The following DPYD variants were observed in gnomAD, a reference collection of about 807,000 sequenced individuals.
DPYD encodes the protein dihydropyrimidine dehydrogenase, also known as dihydropyrimidine dehydrogenase [NADP(+)].
A neutral mutation model predicts 116.2 loss-of-function variants in DPYD; 109 were observed. The ratio of observed to expected loss-of-function variants is 0.94; its 90% CI spans 0.80 to 1.10. The LOEUF (loss-of-function observed/expected upper bound fraction) is 1.10. DPYD is among the 50% of genes least tolerant of loss of function. The probability of loss-of-function intolerance (pLI) is 0.00; values close to 1 mark genes in which losing one functional copy is unlikely to be tolerated. For synonymous variants in DPYD, 440 were observed against 432.0 expected (o/e 1.02, Z -0.23); for missense variants, 1,302 against 1,254.5 (o/e 1.04, Z -0.57).
Position 97,883,361 on chromosome 1 carries a change from A to G in DPYD, c.53T>C (p.Leu18Ser). ...TGCATGAGTTTGTGTTCGAGGATTT[A>G]AAGCCAGGATACTCTAAAGACAGCA... ...DSADIESILALNPRTQTHATL... is the reference protein window; with the variant it reads ...DSADIESILASNPRTQTHATL... Residue 18 changes from leucine to serine, a missense_variant, in exon 2 of 23, where the codon TTA (leucine) becomes TCA (serine). Leu to Ser is a moderately radical substitution (Grantham distance 145, BLOSUM62 -2). Transcript: ENST00000370192. 6.2e-7 allele frequency: 1 copy of G among 1,608,792 alleles called. No individual in the cohort carries two copies. Among genetic ancestry groups the G allele is most frequent in the Non-Finnish European group, 8.5e-7 (1 of 1,175,452 alleles).
chr1:97,328,209 T>A (rs1490003774), intron 16 of DPYD, among the ~76,000 whole-genome samples: 1 of 152,154 alleles, frequency 6.6e-6, no homozygotes, highest in African/African-American at 2.4e-5. Context: ...CAATGTATAA[T>A]CTGAGCCTAT....
intron 14 of DPYD, among the ~76,000 whole-genome samples, chr1:97,407,602 C>T (rs908612019): frequency 6.6e-6 from 1 of 152,074 alleles, no homozygotes; most frequent in African/African-American, 2.4e-5. Context: ...ATTATAATGC[C>T]AACTAGGTGA....
chr1:97,430,068 C>T (rs562190460), intron 14 of DPYD, among the ~76,000 whole-genome samples: 1 of 152,206 alleles, frequency 6.6e-6, no homozygotes, highest in South Asian at 2.1e-4. Context: ...TTCAAAGTTT[C>T]TCTGGCATTC....
rs566621896 is a variant in DPYD at position 97,146,959 on chromosome 1, A to G, written c.2622+46110T>C. 1.4e-4 allele frequency among the ~76,000 whole-genome samples: 21 copies of G among 152,346 alleles called. No individual in the cohort carries two copies. In the East Asian group the frequency reaches 3.5e-3, roughly 25 times the overall value. ...AGAGTCAGAAGAACTGCATGCCATG[A>G]GCCAATGTATTGAGGCTGTTATAGG... On this transcript the variant is annotated intron_variant, in intron 20 of 22. Coordinates refer to ENST00000370192, the MANE Select transcript of DPYD (RefSeq NM_000110.4).
rs1261126769 is a variant in DPYD at position 97,530,222 on chromosome 1, T to C, written c.1525-14281A>G. ...AGAATTTCTTTTTTTTTCTTTTTTT[T>C]TTTTTTTTTTTTTGAGACGGAGTCT... On this transcript the variant is annotated intron_variant, in intron 12 of 22. Coordinates refer to ENST00000370192, the MANE Select transcript of DPYD (RefSeq NM_000110.4). Among the ~76,000 whole-genome samples, 13 of 117,090 alleles carry C rather than the reference T, an allele frequency of 1.1e-4. 1 individual carries two copies. Among genetic ancestry groups the C allele is most frequent in the South Asian group, 1.1e-3 (4 of 3,736 alleles). The allele number at this position is 117,090 out of a possible 152,430, so 76.8% of individuals were successfully genotyped here.
intron 7 of DPYD, among the ~76,000 whole-genome samples, chr1:97,689,575 T>C (rs758890153): frequency 2.0e-4 from 31 of 152,076 alleles, no homozygotes; most frequent in Non-Finnish European, 3.8e-4. Flanking sequence ...TTACATCATA[T>C]GCTACACGGG....
At chr1:97,715,090 G>A (rs190058698) in intron 5 of DPYD, among the ~76,000 whole-genome samples, 7 of 152,170 alleles carry the variant, frequency 4.6e-5, no homozygotes, top group Non-Finnish European at 8.8e-5. Flanking sequence ...GCAGGACACT[G>A]GGAGTTTATT....
intron 18 of DPYD, among the ~76,000 whole-genome samples, chr1:97,239,975 G>A (rs1662216974): frequency 6.6e-6 from 1 of 152,054 alleles, no homozygotes; most frequent in Admixed American, 6.6e-5. Flanking sequence ...TTCAGAGTGA[G>A]CATTTATGTA....
intron 20 of DPYD, among the ~76,000 whole-genome samples, chr1:97,167,267 T>G (rs964706583): frequency 6.6e-6 from 1 of 152,198 alleles, no homozygotes; most frequent in Non-Finnish European, 1.5e-5. Flanking sequence ...CTCATATTCA[T>G]ATACTCTCTC....
rs1263462819 is a variant in DPYD at position 97,613,951 on chromosome 1, G to A, written c.851-18785C>T. Among the ~76,000 whole-genome samples the A allele has an allele frequency of 4.6e-5, 7 of 152,068 alleles. No homozygotes were observed. The South Asian group carries it at 1.0e-3, about 23-fold the overall frequency. ...CCTTTTATCTAATTATCTGGCTCAC[G>A]AAGAGCCAGGGGGAGGGATGGATCT... On this transcript the variant is annotated intron_variant, in intron 8 of 22. Coordinates refer to ENST00000370192, the MANE Select transcript of DPYD (RefSeq NM_000110.4).
chr1:97,487,045 T>C (rs1368485584), intron 13 of DPYD, among the ~76,000 whole-genome samples: 2 of 152,128 alleles, frequency 1.3e-5, no homozygotes, highest in Admixed American at 1.3e-4. Context: ...TCTTAGGTCA[T>C]ATTTCACATA....
At chr1:97,445,774 G>A (rs1435956801) in intron 14 of DPYD, among the ~76,000 whole-genome samples, 1 of 145,596 alleles carries the variant, frequency 6.9e-6, no homozygotes, top group African/African-American at 2.5e-5. Flanking sequence ...GGCCCAGGCT[G>A]GAGTGCAGTG....
chr1:97,873,335 C>T (rs1203307596), intron 2 of DPYD, among the ~76,000 whole-genome samples: 1 of 151,756 alleles, frequency 6.6e-6, no homozygotes, highest in Non-Finnish European at 1.5e-5. Flanking sequence ...AAGTGTGATG[C>T]AATAAATTAA....
At chr1:97,641,343 G>A (rs1450808636) in intron 8 of DPYD, among the ~76,000 whole-genome samples, 1 of 151,994 alleles carries the variant, frequency 6.6e-6, no homozygotes, top group African/African-American at 2.4e-5. Context: ...GAAAGGAAGG[G>A]GATGGAGATA....
intron 7 of DPYD, among the ~76,000 whole-genome samples, chr1:97,681,360 G>A (rs1162854467): frequency 6.6e-6 from 1 of 152,066 alleles, no homozygotes; most frequent in Non-Finnish European, 1.5e-5. Context: ...AAAGTGCAAA[G>A]CAAGCAATGG....
At chr1:97,149,923 T>C (rs1428430182) in intron 20 of DPYD, among the ~76,000 whole-genome samples, 1 of 152,248 alleles carries the variant, frequency 6.6e-6, no homozygotes, top group Admixed American at 6.5e-5. Flanking sequence ...CATTTGGCAG[T>C]TTCCCTTTGC....
At chr1:97,200,303 T>C (rs1342337721) in intron 19 of DPYD, among the ~76,000 whole-genome samples, 4 of 152,186 alleles carry the variant, frequency 2.6e-5, no homozygotes, top group African/African-American at 4.8e-5. Flanking sequence ...AAATATATGC[T>C]TACAATTTAA....
intron 14 of DPYD, among the ~76,000 whole-genome samples, chr1:97,402,076 T>C (rs1039989863): frequency 6.6e-6 from 1 of 152,150 alleles, no homozygotes; most frequent in Non-Finnish European, 1.5e-5. Context: ...AACTTTGTTC[T>C]TCTCCTTCAA....
chr1:97,111,755 G>C (rs1570474046), intron 20 of DPYD, among the ~76,000 whole-genome samples: 1 of 151,982 alleles, frequency 6.6e-6, no homozygotes, highest in East Asian at 1.9e-4. Flanking sequence ...CTTGAGCAAT[G>C]CCTGGCTCAT....
Sources: allele counts gnomAD v4.1 joint callset (sites outside exome capture counted in the v4.1 genomes callset), GRCh38; gene constraint gnomAD v4.1.1; transcripts MANE v1.5; gene names NCBI Gene and HGNC (gene_info 2026-07-23, HGNC 2026-07-21).